The following NRG2 variants were observed in gnomAD, a reference collection of about 807,000 sequenced individuals.
NRG2 encodes the protein neuregulin 2.
A neutral mutation model predicts 73.9 loss-of-function variants in NRG2; 27 were observed. The ratio of observed to expected loss-of-function variants is 0.37; its 90% CI spans 0.27 to 0.50. The LOEUF (loss-of-function observed/expected upper bound fraction) is 0.50, where lower values mean the gene tolerates loss of function less well. Ranked by LOEUF, NRG2 falls within the 20% of genes least tolerant of loss-of-function variation. NRG2 has a pLI of 0.96. For missense variants in NRG2, 1,126 were observed against 1,210.1 expected (o/e 0.93, Z 1.03); for synonymous variants, 532 against 541.0 (o/e 0.98, Z 0.23).
chr5:139,860,406 TC>T (rs1374081688), intron 5 of NRG2, among the ~76,000 whole-genome samples: 13 of 150,040 alleles, frequency 8.7e-5, no homozygotes, highest in Admixed American at 8.6e-4. Context: ...AGGCATGAGG[TC>T]CCCAGACTGG....
chr5:140,026,028 C>T (rs1760660582), intron 1 of NRG2, among the ~76,000 whole-genome samples: 1 of 152,162 alleles, frequency 6.6e-6, no homozygotes, highest in Admixed American at 6.5e-5. Flanking sequence ...GAAGTGGAAT[C>T]TCAGCTAAGC....
chr5:139,861,769 C>T (rs201023541), intron 5 of NRG2: 1 of 515,772 alleles, frequency 1.9e-6, no homozygotes, highest in African/African-American at 1.9e-5. Flanking sequence ...TCAAAGAACC[C>T]TGGCGCACCT....
chr5:139,873,266 C>T (rs1026167439), intron 3 of NRG2, among the ~76,000 whole-genome samples: 5 of 152,324 alleles, frequency 3.3e-5, no homozygotes, highest in African/African-American at 9.6e-5. Context: ...TCTCCCTCCT[C>T]GGCTCAACCC....
At chr5:139,982,152 T>TCTA (rs1322540885) in intron 1 of NRG2, among the ~76,000 whole-genome samples, 6 of 152,128 alleles carry the variant, frequency 3.9e-5, no homozygotes, top group African/African-American at 1.4e-4. Flanking sequence ...AGGGGTTCTT[T>TCTA]CTACTCCCTG....
At position 139,880,992 on chromosome 5, in the gene NRG2, A is replaced by C. The variant is rs1180702861; in HGVS notation, c.873-18T>G. 6.2e-7 allele frequency: 1 copy of C among 1,606,454 alleles called. No homozygotes were observed. The highest frequency in any genetic ancestry group is 1.1e-5 in the South Asian group (1 of 90,892). On this transcript the variant is annotated intron_variant, in intron 2 of 9. Transcript: ENST00000361474. ...AGTTCTTTCTGGTTAGGGAGGGGAT[A>C]AAAGGGGGAGAGGCGTGAGCCAGGG... is the stretch of plus-strand genomic sequence containing the variant.
At chr5:139,951,838 C>T (rs1754226626) in intron 1 of NRG2, among the ~76,000 whole-genome samples, 1 of 152,260 alleles carries the variant, frequency 6.6e-6, no homozygotes, top group African/African-American at 2.4e-5. Context: ...CTGGCCTGGC[C>T]TGGCAGGAAG....
chr5:139,982,251 C>T (rs1756858143), intron 1 of NRG2, among the ~76,000 whole-genome samples: 1 of 152,102 alleles, frequency 6.6e-6, no homozygotes, highest in South Asian at 2.1e-4. Flanking sequence ...TCCTGCACTC[C>T]CAACCACTCA....
At chr5:139,988,294 C>T (rs1477191938) in intron 1 of NRG2, among the ~76,000 whole-genome samples, 1 of 152,004 alleles carries the variant, frequency 6.6e-6, no homozygotes, top group Non-Finnish European at 1.5e-5. Context: ...CAATTGAGCT[C>T]TCTGGTATTT....
At chr5:139,994,034 C>A (rs1293281067) in intron 1 of NRG2, among the ~76,000 whole-genome samples, 2 of 152,076 alleles carry the variant, frequency 1.3e-5, no homozygotes, top group Non-Finnish European at 2.9e-5. Flanking sequence ...AATGAAAGAA[C>A]AATTTCTTTC....
At chr5:140,004,863 T>C (rs1003210722) in intron 1 of NRG2, among the ~76,000 whole-genome samples, 2 of 152,218 alleles carry the variant, frequency 1.3e-5, no homozygotes, top group Non-Finnish European at 2.9e-5. Context: ...CATTGTACTA[T>C]GGTTATGTAA....
chr5:139,901,047 C>T (rs1022988413), intron 1 of NRG2, among the ~76,000 whole-genome samples: 1 of 152,224 alleles, frequency 6.6e-6, no homozygotes, highest in Non-Finnish European at 1.5e-5. Context: ...CCTCTGTTTG[C>T]AACCTAAAGC....
intron 1 of NRG2, among the ~76,000 whole-genome samples, chr5:139,985,666 C>T (rs1324291981): frequency 6.6e-6 from 1 of 152,178 alleles, no homozygotes; most frequent in Non-Finnish European, 1.5e-5. Flanking sequence ...GTTTACGGAC[C>T]TTTTGAAGCT....
rs1357377567 is a variant in NRG2, at chr5:139,970,729, C to T, written c.700+71641G>A. On this transcript the variant is annotated intron_variant, in intron 1 of 9. Transcript: ENST00000361474. The stretch of plus-strand genomic sequence containing the variant: ...AGAAGAAGTGGCCTGTGGTAGGAAG[C>T]AGTGGGAAGGCAGGAAAGCTGAGAG... 2.6e-5 allele frequency among the ~76,000 whole-genome samples: 4 copies of T among 152,196 alleles called. No individual in the cohort carries two copies. The East Asian group carries it at 7.7e-4, about 29-fold the overall frequency.
At chr5:140,000,580 AG>A (rs1005347668) in intron 1 of NRG2, among the ~76,000 whole-genome samples, 1 of 152,258 alleles carries the variant, frequency 6.6e-6, no homozygotes, top group African/African-American at 2.4e-5. Flanking sequence ...TTCTGGGTGA[AG>A]GAACATTGTA....
At chr5:139,992,250 T>C (rs187638781) in intron 1 of NRG2, among the ~76,000 whole-genome samples, 1 of 152,348 alleles carries the variant, frequency 6.6e-6, no homozygotes, top group African/African-American at 2.4e-5. Context: ...TGGTACTATT[T>C]TAAATGCGTC....
At chr5:139,909,479 A>G (rs1314086278) in intron 1 of NRG2, among the ~76,000 whole-genome samples, 2 of 152,212 alleles carry the variant, frequency 1.3e-5, no homozygotes, top group Non-Finnish European at 2.9e-5. Flanking sequence ...GCCTCAGATT[A>G]GGGAGAGCCT....
intron 1 of NRG2, among the ~76,000 whole-genome samples, chr5:140,010,715 A>T (rs1273950533): frequency 6.6e-6 from 1 of 152,198 alleles, no homozygotes; most frequent in Non-Finnish European, 1.5e-5. Flanking sequence ...GGTGAAGGTG[A>T]CATATGCCAG....
chr5:139,890,438 C>T (rs932298024), intron 1 of NRG2, among the ~76,000 whole-genome samples: 8 of 148,908 alleles, frequency 5.4e-5, no homozygotes, highest in South Asian at 2.1e-4. Context: ...TCTTCTTCTT[C>T]GTCTTTTTCT....
chr5:139,848,775 G>GGTT, intron 9 of NRG2, 78 bp from the exon 10 acceptor site: 2 of 601,718 alleles, frequency 3.3e-6, no homozygotes, highest in Non-Finnish European at 2.4e-6. Context: ...GTGGGGTAGG[G>GGTT]TGGGAGGGGC....
Sources: gnomAD v4.1 joint callset for allele counts (sites outside exome capture counted in the v4.1 genomes callset) on GRCh38, gnomAD v4.1.1 for gene constraint, MANE v1.5 for transcripts, NCBI Gene and HGNC (gene_info 2026-07-23, HGNC 2026-07-21) for gene names.